QTMAN: variants seen among roughly 807,000 people sequenced by gnomAD.
QTMAN encodes the protein queuosine-tRNA mannosyltransferase, also known as tRNA-queuosine alpha-mannosyltransferase.
the QTMAN span, among the ~76,000 whole-genome samples, chr2:144,005,465 T>C: frequency 1.4e-4 from 21 of 152,142 alleles, no homozygotes; most frequent in East Asian, 4.1e-3. Flanking sequence ...ATCAGTAAAA[T>C]TGACTGCACG....
chr2:143,955,618 G>A, the QTMAN span, among the ~76,000 whole-genome samples: 8 of 152,146 alleles, frequency 5.3e-5, no homozygotes, highest in Non-Finnish European at 1.2e-4. Flanking sequence ...TTGCTTTGCT[G>A]ATTGTTGCAT....
chr2:144,135,011 C>T, the QTMAN span, among the ~76,000 whole-genome samples: 7 of 152,086 alleles, frequency 4.6e-5, no homozygotes, highest in Admixed American at 6.6e-5. Context: ...TCTCGCTTCA[C>T]GTTTAATCCA....
the QTMAN span, among the ~76,000 whole-genome samples, chr2:144,055,715 T>C: frequency 6.6e-6 from 1 of 152,118 alleles, no homozygotes; most frequent in Non-Finnish European, 1.5e-5. Context: ...GCAAGTACCC[T>C]ATTTCCCTGT....
chr2:143,959,144 A>T, the QTMAN span, among the ~76,000 whole-genome samples: 2 of 152,060 alleles, frequency 1.3e-5, no homozygotes, highest in Non-Finnish European at 2.9e-5. Flanking sequence ...TTCTAGAATC[A>T]ATGTAACTTT....
the QTMAN span, among the ~76,000 whole-genome samples, chr2:144,099,946 A>ACCC: frequency 6.6e-6 from 1 of 152,172 alleles, no homozygotes; most frequent in African/African-American, 2.4e-5. Flanking sequence ...AGCTGCTGTT[A>ACCC]TTAGTCACTT....
the QTMAN span, among the ~76,000 whole-genome samples, chr2:144,008,960 T>C: frequency 6.7e-6 from 1 of 150,170 alleles, no homozygotes; most frequent in African/African-American, 2.5e-5. Context: ...GAAAAGGAGG[T>C]AGAGAGAAGG....
At chr2:144,257,967 T>C in the QTMAN span, among the ~76,000 whole-genome samples, 3 of 151,902 alleles carry the variant, frequency 2.0e-5, no homozygotes, top group Admixed American at 2.0e-4. Context: ...AATTATGAAA[T>C]ATCTAAGAAA....
At chr2:143,947,718 T>G in the QTMAN span, among the ~76,000 whole-genome samples, 2 of 152,208 alleles carry the variant, frequency 1.3e-5, no homozygotes, top group Non-Finnish European at 2.9e-5. Context: ...AGAATCAGGT[T>G]GCAAATGAGT....
the QTMAN span, among the ~76,000 whole-genome samples, chr2:144,265,066 T>C: frequency 6.6e-6 from 1 of 152,232 alleles, no homozygotes; most frequent in Non-Finnish European, 1.5e-5. Context: ...ACAGTTGTAT[T>C]TCTCATTGGA....
At chr2:144,301,989 T>C in the QTMAN span, among the ~76,000 whole-genome samples, 2 of 152,266 alleles carry the variant, frequency 1.3e-5, no homozygotes, top group African/African-American at 2.4e-5. Flanking sequence ...TATCTGAAAA[T>C]AGACTGCTCA....
chr2:144,151,597 C>G, the QTMAN span, among the ~76,000 whole-genome samples: 1 of 152,116 alleles, frequency 6.6e-6, no homozygotes, highest in African/African-American at 2.4e-5. Flanking sequence ...GCTGATAAAA[C>G]TGGATATGAG....
chr2:144,305,845 C>T, the QTMAN span, among the ~76,000 whole-genome samples: 1 of 152,092 alleles, frequency 6.6e-6, no homozygotes, highest in Non-Finnish European at 1.5e-5. Context: ...TTCTTAATTT[C>T]ATTTTTGTTC....
the QTMAN span, among the ~76,000 whole-genome samples, chr2:144,085,026 A>T: frequency 6.6e-6 from 1 of 152,208 alleles, no homozygotes; most frequent in African/African-American, 2.4e-5. Context: ...GACCTGTATG[A>T]ACATTTGACC....
the QTMAN span, among the ~76,000 whole-genome samples, chr2:144,113,501 C>A: frequency 6.6e-6 from 1 of 151,872 alleles, no homozygotes. Context: ...TGTCATTACA[C>A]TCCCAGAAGA....
At chr2:144,284,576 G>A in the QTMAN span, among the ~76,000 whole-genome samples, 9 of 151,988 alleles carry the variant, frequency 5.9e-5, no homozygotes, top group African/African-American at 1.9e-4. Context: ...TCTATAACAT[G>A]TATGTCACTT....
At chr2:144,170,095 C>T in the QTMAN span, among the ~76,000 whole-genome samples, 1 of 152,036 alleles carries the variant, frequency 6.6e-6, no homozygotes, top group Non-Finnish European at 1.5e-5. Flanking sequence ...TAAATTTTTA[C>T]AAACATAATA....
chr2:144,030,788 A>G, the QTMAN span, among the ~76,000 whole-genome samples: 1 of 152,258 alleles, frequency 6.6e-6, no homozygotes, highest in Admixed American at 6.5e-5. Flanking sequence ...TGGGCTCTCT[A>G]TCGAGGGTGA....
the QTMAN span, among the ~76,000 whole-genome samples, chr2:144,259,451 G>A: frequency 8.2e-4 from 125 of 152,112 alleles, no homozygotes; most frequent in East Asian, 2.9e-3. Context: ...GAGCCACCCC[G>A]CCCAGTAGGA....
chr2:144,016,666 G>C, the QTMAN span, among the ~76,000 whole-genome samples: 2 of 152,174 alleles, frequency 1.3e-5, no homozygotes, highest in African/African-American at 4.8e-5. Context: ...GTTGAAAATA[G>C]GATGGGAAAA....
Sources: allele counts gnomAD v4.1 joint callset (sites outside exome capture counted in the v4.1 genomes callset), GRCh38; gene constraint gnomAD v4.1.1; transcripts MANE v1.5; gene names NCBI Gene and HGNC (gene_info 2026-07-23, HGNC 2026-07-21).